KLHDC10: variants seen among roughly 807,000 people sequenced by gnomAD.
KLHDC10 encodes the protein kelch domain containing 10, also known as kelch domain-containing protein 10.
KLHDC10 carries 24 observed loss-of-function variants against 56.1 expected under a neutral mutation model. The ratio of observed to expected loss-of-function variants is 0.43; its 90% CI spans 0.31 to 0.60. KLHDC10 has a LOEUF of 0.60. KLHDC10 is among the 20% of genes least tolerant of loss of function. The pLI is 0.11. For synonymous variants in KLHDC10, 188 were observed against 207.1 expected, an observed-to-expected ratio of 0.91 and a Z score of 0.79; for missense variants, 349 against 567.0, an observed-to-expected ratio of 0.62 and a Z score of 3.91.
chr7:130,094,057 G>A (rs1795816307), intron 1 of KLHDC10, among the ~76,000 whole-genome samples: 1 of 151,962 alleles, frequency 6.6e-6, no homozygotes, highest in Admixed American at 6.6e-5. Flanking sequence ...CTGAGTAGCT[G>A]GGTTTACAGG....
At chr7:130,106,147 A>AAAATAAAT (rs10624813) in intron 2 of KLHDC10, among the ~76,000 whole-genome samples, 1 of 151,802 alleles carries the variant, frequency 6.6e-6, no homozygotes, top group East Asian at 1.9e-4. Context: ...ACTCCGTCTC[A>AAAATAAAT]AAATAAATAA....
In KLHDC10 at chr7:130,070,581, G is replaced by A; in HGVS notation, c.-63G>A. The A allele has an allele frequency of 7.9e-7, 1 of 1,273,868 alleles. No individual in the cohort carries two copies. The highest frequency in any genetic ancestry group is 1.0e-6 in the Non-Finnish European group (1 of 1,005,022). 78.9% of individuals were successfully genotyped at this position (1,273,868 alleles called of 1,614,324 possible). On this transcript the variant is annotated 5_prime_UTR_variant, in exon 1 of 10. Coordinates refer to ENST00000335420, the MANE Select transcript of KLHDC10 (RefSeq NM_014997.4). The stretch of plus-strand genomic sequence containing the variant: ...GTCTCTGGAGGAGCCCAGGAAGGAG[G>A]CTCCGCTGGTTCCGCTGGGTCAGGC...
In KLHDC10 at chr7:130,074,106, C is replaced by T. The variant is rs114057554; in HGVS notation, c.166+3297C>T. Reference sequence around the variant, plus strand: ...GTCGTCTGACTCCTCTCTAACTCTACAGTTAATCCTGTGTTACGTTCTCTT... The same window carrying T: ...GTCGTCTGACTCCTCTCTAACTCTATAGTTAATCCTGTGTTACGTTCTCTT... On this transcript the variant is annotated intron_variant, in intron 1 of 9. Coordinates refer to ENST00000335420, the MANE Select transcript of KLHDC10 (RefSeq NM_014997.4). 6.2e-3 allele frequency among the ~76,000 whole-genome samples: 951 copies of T among 152,310 alleles called. 3 individuals carry two copies. Among genetic ancestry groups the T allele is most frequent in the African/African-American group, 0.021 (880 of 41,564 alleles).
intron 2 of KLHDC10, among the ~76,000 whole-genome samples, chr7:130,107,828 A>C (rs1796030729): frequency 9.9e-6 from 1 of 100,662 alleles, no homozygotes; most frequent in South Asian, 3.5e-4. Flanking sequence ...TGGGCGACAG[A>C]GTGGGACTCC....
intron 8 of KLHDC10, 35 bp from the exon 9 acceptor site, chr7:130,129,402 C>G: frequency 6.2e-7 from 1 of 1,610,636 alleles, no homozygotes; most frequent in Non-Finnish European, 8.5e-7. Context: ...GGCTCTTTTC[C>G]TTTGTGTGAT....
chr7:130,129,683 T>C (rs1796369982), intron 9 of KLHDC10, 107 bp downstream of exon 9: 1 of 1,006,600 alleles, frequency 9.9e-7, no homozygotes, highest in Non-Finnish European at 1.4e-6. Flanking sequence ...CCTTAGATGA[T>C]TAATAACATA....
At chr7:130,110,907 T>C (rs1796091729) in intron 2 of KLHDC10, among the ~76,000 whole-genome samples, 1 of 152,216 alleles carries the variant, frequency 6.6e-6, no homozygotes. Context: ...TACAAGCTTT[T>C]GTATTTAAGC....
intron 1 of KLHDC10, among the ~76,000 whole-genome samples, chr7:130,079,943 T>C (rs1424937267): frequency 2.2e-5 from 3 of 135,336 alleles, no homozygotes; most frequent in African/African-American, 5.8e-5. Flanking sequence ...CCTCCTTCCC[T>C]CCCTTCCTCC....
chr7:130,091,256 G>T (rs1795768965), intron 1 of KLHDC10, among the ~76,000 whole-genome samples: 1 of 152,200 alleles, frequency 6.6e-6, no homozygotes, highest in African/African-American at 2.4e-5. Flanking sequence ...GTAGGAAACT[G>T]CCATACTGTC....
intron 4 of KLHDC10, among the ~76,000 whole-genome samples, chr7:130,121,607 A>G (rs1223091602): frequency 6.6e-6 from 1 of 152,230 alleles, no homozygotes; most frequent in Non-Finnish European, 1.5e-5. Flanking sequence ...TGAAACTTTC[A>G]TTGAAAAGGG....
intron 2 of KLHDC10, among the ~76,000 whole-genome samples, chr7:130,107,878 C>T (rs565221843): frequency 7.9e-6 from 1 of 126,248 alleles, no homozygotes; most frequent in South Asian, 2.8e-4. Context: ...GAGCCGGACG[C>T]GGTGGCCCGT....
intron 1 of KLHDC10, among the ~76,000 whole-genome samples, chr7:130,084,808 G>C (rs1347341746): frequency 6.6e-6 from 1 of 151,312 alleles, no homozygotes; most frequent in Non-Finnish European, 1.5e-5. Flanking sequence ...TTTTTGTCTT[G>C]AGCAATTGGA....
chr7:130,098,794 CAT>C (rs1306205936), intron 2 of KLHDC10, among the ~76,000 whole-genome samples: 1 of 152,028 alleles, frequency 6.6e-6, no homozygotes, highest in Non-Finnish European at 1.5e-5. Flanking sequence ...CAAATAGTGA[CAT>C]AACAGGTTGT....
chr7:130,075,977 C>T (rs923063830), intron 1 of KLHDC10, among the ~76,000 whole-genome samples: 5 of 151,940 alleles, frequency 3.3e-5, no homozygotes, highest in African/African-American at 9.7e-5. Context: ...TTTATAAAGG[C>T]GGTACCCAAC....
At chr7:130,122,527 AAC>A (rs1203789517) in intron 5 of KLHDC10, among the ~76,000 whole-genome samples, 1 of 152,176 alleles carries the variant, frequency 6.6e-6, no homozygotes, top group Non-Finnish European at 1.5e-5. Flanking sequence ...TTACAGGCAA[AAC>A]AGTTACCGTC....
intron 2 of KLHDC10, among the ~76,000 whole-genome samples, chr7:130,098,832 C>A (rs951660594): frequency 6.6e-5 from 10 of 152,020 alleles, no homozygotes; most frequent in Non-Finnish European, 1.0e-4. Flanking sequence ...ATTTTATTTT[C>A]TTTTGTATGG....
At chr7:130,093,499 T>C (rs1240535684) in intron 1 of KLHDC10, among the ~76,000 whole-genome samples, 1 of 152,068 alleles carries the variant, frequency 6.6e-6, no homozygotes, top group Non-Finnish European at 1.5e-5. Context: ...GTGCTGGGAG[T>C]ACAGGCATGA....
chr7:130,125,961 T>G (rs995199903), intron 7 of KLHDC10, 30 bp downstream of exon 7: 6 of 1,417,618 alleles, frequency 4.2e-6, no homozygotes, highest in Non-Finnish European at 5.8e-6. Context: ...TAATTTATCT[T>G]TAACAAACAT....
intron 1 of KLHDC10, among the ~76,000 whole-genome samples, chr7:130,095,955 C>T (rs1795842455): frequency 6.6e-6 from 1 of 152,132 alleles, no homozygotes. Context: ...TTCACAGTAA[C>T]GTAATTATTT....
Sources: gnomAD v4.1 joint callset for allele counts (sites outside exome capture counted in the v4.1 genomes callset) on GRCh38, gnomAD v4.1.1 for gene constraint, MANE v1.5 for transcripts, NCBI Gene and HGNC (gene_info 2026-07-23, HGNC 2026-07-21) for gene names.